Variants in ZNF562 observed in about 807,000 individuals in gnomAD.
ZNF562 encodes the protein zinc finger protein 562.
ZNF562 carries 13 observed loss-of-function variants against 17.5 expected under a neutral mutation model. That is an observed-to-expected ratio of 0.74 (90% CI 0.48 to 1.18). The LOEUF is 1.18. ZNF562 is among the 50% of genes most tolerant of loss of function. ZNF562 has a pLI of 0.00. For missense variants in ZNF562, 481 were observed against 498.5 expected, an observed-to-expected ratio of 0.96 and a Z score of 0.33; for synonymous variants, 163 against 165.4, an observed-to-expected ratio of 0.99 and a Z score of 0.11.
chr19:9,656,199 G>A lies in ZNF562; in HGVS notation c.348+348C>T, dbSNP rs549137868. 1.0e-3 allele frequency among the ~76,000 whole-genome samples: 153 copies of A among 152,136 alleles called. 1 individual carries two copies. Among genetic ancestry groups the A allele is most frequent in the Non-Finnish European group, 1.7e-3 (116 of 68,026 alleles). ...TAGAATGGAATTCTCAATCTTTTCTGAGAGAGGAAATTAAGAAATATCCCT... is the reference window on the plus strand; with the variant it reads ...TAGAATGGAATTCTCAATCTTTTCTAAGAGAGGAAATTAAGAAATATCCCT... On this transcript the variant is annotated intron_variant, in intron 5 of 5. Transcript: ENST00000453372.
Position 9,650,349 on chromosome 19 carries a change from C to T in ZNF562, c.*2600G>A, listed in dbSNP as rs968579674. 4 of 151,324 alleles carry T rather than the reference C, an allele frequency of 2.6e-5. No homozygotes were observed. The highest frequency in any genetic ancestry group is 9.7e-5 in the African/African-American group (4 of 41,136). 9.4% of individuals were successfully genotyped at this position (151,324 alleles called of 1,614,324 possible). ...ATAAATAATGACTCTTACTGTTCCA[C>T]TTTAGGAGTTAGGTATACATACATA... On this transcript the variant is annotated 3_prime_UTR_variant, in exon 6 of 6. Coordinates refer to ENST00000453372, the MANE Select transcript of ZNF562 (RefSeq NM_001130031.2).
chr19:9,670,782 G>A (rs746014078), intron 1 of ZNF562, among the ~76,000 whole-genome samples: 7 of 152,100 alleles, frequency 4.6e-5, no homozygotes, highest in Admixed American at 1.3e-4. Flanking sequence ...CTGATTATGT[G>A]AGATCAGGAG....
intron 4 of ZNF562, among the ~76,000 whole-genome samples, chr19:9,656,974 T>C (rs903390142): frequency 6.7e-6 from 1 of 149,078 alleles, no homozygotes; most frequent in African/African-American, 2.5e-5. Flanking sequence ...CCAGAGGCGG[T>C]GGTTGCAGTG....
intron 1 of ZNF562, among the ~76,000 whole-genome samples, chr19:9,672,774 TTTC>T (rs1160044465): frequency 6.5e-5 from 9 of 139,070 alleles, no homozygotes; most frequent in African/African-American, 2.7e-4. Context: ...TATTATTGCC[TTTC>T]TTTTTTTTTT....
Position 9,653,249 on chromosome 19 carries a change from T to C in ZNF562, c.981A>G (p.Arg327=), listed in dbSNP as rs773922271. 1.4e-5 allele frequency: 23 copies of C among 1,614,034 alleles called. No individual in the cohort carries two copies. Among genetic ancestry groups the C allele is most frequent in the African/African-American group, 8.0e-5 (6 of 74,928 alleles). Residue 327 remains arginine, a synonymous_variant, in exon 6 of 6, where the codon AGA becomes AGG. Transcript: ENST00000453372. ...TTACATGTTGAGTAAGGTGAGTTGA[T>C]CTAGTGAAGGCTTTCCCACATTCCG... The part of the protein sequence containing the change: ...KCTECGKAFT[R]STHLTQHVRT...
At chr19:9,660,206 T>C (rs1215730634) in intron 2 of ZNF562, among the ~76,000 whole-genome samples, 1 of 151,504 alleles carries the variant, frequency 6.6e-6, no homozygotes, top group Non-Finnish European at 1.5e-5. Context: ...GAGGTTTCAG[T>C]GAGCCAAGGT....
rs2074800507 is a variant in ZNF562, at chr19:9,645,508, T to C, written c.*7441A>G. On this transcript the variant is annotated 3_prime_UTR_variant, in exon 6 of 6. Coordinates refer to ENST00000453372, the MANE Select transcript of ZNF562 (RefSeq NM_001130031.2). ...AAAATTACTAGCTGAAAACAGCAGC[T>C]ACTTAATTAGCAGAAGCCTCTTGAG... The C allele has an allele frequency of 6.6e-6, 1 of 152,234 alleles. No individual in the cohort carries two copies. The highest frequency in any genetic ancestry group is 1.5e-5 in the Non-Finnish European group (1 of 68,050). 9.4% of individuals were successfully genotyped at this position (152,234 alleles called of 1,614,324 possible).
intron 2 of ZNF562, among the ~76,000 whole-genome samples, chr19:9,659,929 TAAAAAAAAAAAAAAAAAAAAAAAAAAAAA>T (rs763657709): frequency 7.2e-4 from 27 of 37,378 alleles, no homozygotes; most frequent in Admixed American, 1.5e-3. Flanking sequence ...CCGTCTCTAC[TAAAAAAAAAAAAAAAAAAAAAAAAAAAAA>T]AAAAAAAAAA....
chr19:9,662,081 G>GA (rs1340650005), intron 1 of ZNF562, among the ~76,000 whole-genome samples: 2 of 151,866 alleles, frequency 1.3e-5, no homozygotes, highest in African/African-American at 2.4e-5. Flanking sequence ...TATTAATACT[G>GA]AAAAAAACCT....
Position 9,653,656 on chromosome 19 carries a change from C to G in ZNF562, c.574G>C (p.Ala192Pro). The G allele has an allele frequency of 6.2e-7, 1 of 1,614,018 alleles. No individual in the cohort carries two copies. The highest frequency in any genetic ancestry group is 8.5e-7 in the Non-Finnish European group (1 of 1,179,886). ...GKVFTLTPGL[A>P]VHLEILNGRQ... The stretch of plus-strand genomic sequence containing the variant: ...CCATTGAGAATTTCAAGATGCACAG[C>G]AAGGCCTGGAGTTAAGGTGAAGACT... Residue 192 changes from alanine to proline, a missense_variant, in exon 6 of 6, where the codon GCT (alanine) becomes CCT (proline). Physicochemically the swap from Ala to Pro is conservative, Grantham distance 27. This residue lies in a region of ZNF562 where 403 missense variants were observed against 386.4 expected (regional missense o/e 1.04). Transcript: ENST00000453372.
Position 9,652,677 on chromosome 19 carries a change from A to C in ZNF562, c.*272T>G. On this transcript the variant is annotated 3_prime_UTR_variant, in exon 6 of 6. Coordinates refer to ENST00000453372, the MANE Select transcript of ZNF562 (RefSeq NM_001130031.2). ...GGGATGCATCTAAGGCCAATCTGTG[A>C]GCCATTACAACCTCCAAAAGGCATT... 1 of 275,342 alleles carries C rather than the reference A, an allele frequency of 3.6e-6. No individual in the cohort carries two copies. The highest frequency in any genetic ancestry group is 6.8e-6 in the Non-Finnish European group (1 of 146,842). The allele number at this position is 275,342 out of a possible 1,614,324, so 17.1% of individuals were successfully genotyped here.
In ZNF562 at chr19:9,653,546, T is replaced by A; in HGVS notation, c.684A>T (p.Gly228=). ...ATTCCTGAAATTCACAGAGTTTCTC[T>A]CCAATGTGGATTCCCATGTGATTAT... is the stretch of plus-strand genomic sequence containing the variant. ...SLDNHMGIHI[G]EKLCEFQECE... Residue 228 remains glycine, a synonymous_variant, in exon 6 of 6, where the codon GGA becomes GGT. Coordinates refer to ENST00000453372, the MANE Select transcript of ZNF562 (RefSeq NM_001130031.2). The A allele has an allele frequency of 1.2e-6, 2 of 1,614,194 alleles. No individual in the cohort carries two copies. Among genetic ancestry groups the A allele is most frequent in the East Asian group, 2.2e-5 (1 of 44,866 alleles).
Position 9,653,105 on chromosome 19 carries a change from C to T in ZNF562, c.1125G>A (p.Lys375=), listed in dbSNP as rs1348498599. 4 of 1,611,266 alleles carry T rather than the reference C, an allele frequency of 2.5e-6. No homozygotes were observed. The highest frequency in any genetic ancestry group is 1.3e-5 in the African/African-American group (1 of 74,840). ...ATCTATTGAAGGCTTTCCCACATTC[C>T]TTACACTGATAGGGTTTCTCTCCAG... ...NHTGEKPYQC[K]ECGKAFNRSS... Residue 375 remains lysine (K), a synonymous_variant, in exon 6 of 6, where the codon AAG becomes AAA. Coordinates refer to ENST00000453372, the MANE Select transcript of ZNF562 (RefSeq NM_001130031.2).
chr19:9,667,828 C>G (rs1311434415), intron 1 of ZNF562, among the ~76,000 whole-genome samples: 1 of 151,904 alleles, frequency 6.6e-6, no homozygotes, highest in Admixed American at 6.6e-5. Flanking sequence ...CTCCTGATTT[C>G]AAGTGATCCT....
At chr19:9,667,716 G>A (rs767526588) in intron 1 of ZNF562, among the ~76,000 whole-genome samples, 23 of 151,904 alleles carry the variant, frequency 1.5e-4, no homozygotes, top group African/African-American at 2.2e-4. Context: ...TCAGCCTCCC[G>A]AGTAGCTAGA....
At chr19:9,664,325 T>C (rs2043865948) in intron 1 of ZNF562, among the ~76,000 whole-genome samples, 2 of 152,166 alleles carry the variant, frequency 1.3e-5, no homozygotes, top group Admixed American at 1.3e-4. Context: ...CGCCCCAGCC[T>C]CCAAAAGTGC....
At chr19:9,661,960 C>T (rs1392223875) in intron 1 of ZNF562, among the ~76,000 whole-genome samples, 2 of 152,044 alleles carry the variant, frequency 1.3e-5, no homozygotes, top group Non-Finnish European at 2.9e-5. Context: ...CAAGGTTTCA[C>T]CAGGTTGCCC....
rs1343247767 is a variant in ZNF562 at position 9,652,162 on chromosome 19, T to C, written c.*787A>G. ...AGAAGTGAGAAGAGAGACTGGATTA[T>C]ACTATAAGAGACACTGCCACTTACA... On this transcript the variant is annotated 3_prime_UTR_variant, in exon 6 of 6. Transcript: ENST00000453372. 1 of 152,216 alleles carries C rather than the reference T, an allele frequency of 6.6e-6. No homozygotes were observed. The highest frequency in any genetic ancestry group is 1.5e-5 in the Non-Finnish European group (1 of 68,046). 9.4% of individuals were successfully genotyped at this position (152,216 alleles called of 1,614,324 possible). A position where few individuals can be genotyped will look rare whatever the true frequency, so the allele number is the denominator to read the frequency against.
rs2074798874 is a variant in ZNF562, at chr19:9,645,245, C to A, written c.*7704G>T. 6.6e-6 allele frequency: 1 copy of A among 152,096 alleles called. No individual in the cohort carries two copies. The highest frequency in any genetic ancestry group is 2.1e-4 in the South Asian group (1 of 4,820). 9.4% of individuals were successfully genotyped at this position (152,096 alleles called of 1,614,324 possible). Reference sequence around the variant, plus strand: ...TATTTTTAGTAGAGATGGGGGTTCACCATGTTGCCCAAAATGGTCTCAATC... The same window carrying A: ...TATTTTTAGTAGAGATGGGGGTTCAACATGTTGCCCAAAATGGTCTCAATC... On this transcript the variant is annotated 3_prime_UTR_variant, in exon 6 of 6. Coordinates refer to ENST00000453372, the MANE Select transcript of ZNF562 (RefSeq NM_001130031.2).
Sources: gnomAD v4.1 joint callset for allele counts (sites outside exome capture counted in the v4.1 genomes callset) on GRCh38, gnomAD v4.1.1 for gene constraint, gnomAD v4.1.1 regional missense constraint, MANE v1.5 for transcripts, NCBI Gene and HGNC (gene_info 2026-07-23, HGNC 2026-07-21) for gene names.